Variants in GALNT9 observed in about 807,000 individuals in gnomAD.
GALNT9 encodes the protein polypeptide N-acetylgalactosaminyltransferase 9, also known as GalNAc transferase 9.
A neutral mutation model predicts 63.1 loss-of-function variants in GALNT9; 47 were observed. The ratio of observed to expected loss-of-function variants is 0.75; its 90% confidence interval spans 0.59 to 0.95. The LOEUF is 0.95. Ranked by LOEUF, GALNT9 falls within the 40% of genes least tolerant of loss-of-function variation. The pLI is 0.00. For synonymous variants in GALNT9, 396 were observed against 365.7 expected (o/e 1.08, Z -0.94); for missense variants, 829 against 874.8 (o/e 0.95, Z 0.66).
At chr12:132,212,898 C>T (rs545023181) in intron 6 of GALNT9, among the ~76,000 whole-genome samples, 8 of 109,228 alleles carry the variant, frequency 7.3e-5, no homozygotes, top group Admixed American at 5.3e-4. Flanking sequence ...AAACCCCACC[C>T]GGGTCTGCAG....
chr12:132,199,283 C>A lies in GALNT9; in HGVS notation c.1402-14G>T. The A allele has an allele frequency of 6.3e-7, 1 of 1,584,984 alleles. No individual in the cohort carries two copies. On this transcript the variant is annotated splice_polypyrimidine_tract_variant and intron_variant, in intron 8 of 10. Transcript: ENST00000328957. The stretch of plus-strand genomic sequence containing the variant: ...GCTGTTTCTCACCTGCAAGCAGAAG[C>A]CCCAGGAGAAAGTCCAGAGTCACCC...
intron 5 of GALNT9, among the ~76,000 whole-genome samples, chr12:132,251,953 C>T (rs1330609814): frequency 6.6e-6 from 1 of 152,214 alleles, no homozygotes; most frequent in Admixed American, 6.5e-5. Context: ...CAGGCCTGCC[C>T]CCCGCCTGCC....
rs138419387 is a variant in GALNT9, at chr12:132,289,557, C to A, written c.239-3127G>T. ...CTTTGCCTGAATCTGCTTCATTGGC[C>A]AGAAGGAGTGGAGGAGCTGGGCCTT... On this transcript the variant is annotated intron_variant, in intron 1 of 10. Transcript: ENST00000328957. Among the ~76,000 whole-genome samples the A allele has an allele frequency of 3.7e-4, 57 of 152,318 alleles. 1 individual carries two copies. The Middle Eastern group carries it at 0.02, about 55-fold the overall frequency.
intron 2 of GALNT9, among the ~76,000 whole-genome samples, chr12:132,284,884 C>T (rs969109328): frequency 6.6e-6 from 1 of 152,248 alleles, no homozygotes; most frequent in African/African-American, 2.4e-5. Context: ...TCCCTGCACC[C>T]CTGGACCCTG....
Position 132,257,811 on chromosome 12 carries a change from G to A in GALNT9, c.837C>T (p.Tyr279=). Residue 279 remains tyrosine, a synonymous_variant, in exon 5 of 11, where the codon TAC becomes TAT. Transcript: ENST00000328957. ...CATACTGCTGCACCTCAAACGTGCT[G>A]TACTTGATGTTGTCGATGGCTGGCA... ...IVLPAIDNIK[Y]STFEVQQYAN... 1 of 1,550,398 alleles carries A rather than the reference G, an allele frequency of 6.4e-7. No homozygotes were observed. The highest frequency in any genetic ancestry group is 8.7e-7 in the Non-Finnish European group (1 of 1,146,842).
intron 1 of GALNT9, among the ~76,000 whole-genome samples, chr12:132,292,714 G>A (rs532605699): frequency 7.9e-5 from 12 of 152,346 alleles, no homozygotes; most frequent in East Asian, 7.7e-4. Flanking sequence ...AGGGCGGGGC[G>A]TGCGAAGGAG....
chr12:132,291,408 GC>G (rs1880832963), intron 1 of GALNT9, among the ~76,000 whole-genome samples: 1 of 27,534 alleles, frequency 3.6e-5, no homozygotes, highest in Non-Finnish European at 6.5e-5. Context: ...CGTCCACAGC[GC>G]ACACGTCCAC....
intron 1 of GALNT9, among the ~76,000 whole-genome samples, chr12:132,313,290 T>C (rs1172574105): frequency 1.7e-4 from 17 of 98,004 alleles, no homozygotes; most frequent in East Asian, 7.1e-4. Flanking sequence ...TCCACCCACC[T>C]ACCCATCCAC....
chr12:132,325,068 C>T lies in GALNT9; in HGVS notation c.238+3898G>A, dbSNP rs182151422. Among the ~76,000 whole-genome samples, 163 of 152,072 alleles carry T rather than the reference C, an allele frequency of 1.1e-3. 3 individuals are homozygous for T. The East Asian group carries it at 0.014, about 13-fold the overall frequency. ...TATGAGATGCCACCCCACTTCAGAC[C>T]TTGCTCTCCCAAGTTCTTCCGGCGT... On this transcript the variant is annotated intron_variant, in intron 1 of 10. Coordinates refer to ENST00000328957, the MANE Select transcript of GALNT9 (RefSeq NM_001122636.2).
intron 8 of GALNT9, among the ~76,000 whole-genome samples, chr12:132,199,968 G>A (rs143388195): frequency 2.7e-4 from 41 of 152,164 alleles, no homozygotes; most frequent in Non-Finnish European, 5.4e-4. Flanking sequence ...AATTGGGACC[G>A]TTGAGGAAGC....
rs187639178 is a variant in GALNT9 at position 132,315,715 on chromosome 12, T to G, written c.238+13251A>C. ...CCATTACCAGGCTGCGCATCCACAC[T>G]CAGCCCTGGTGTCCTTGCGGGAACA... On this transcript the variant is annotated intron_variant, in intron 1 of 10. Coordinates refer to ENST00000328957, the MANE Select transcript of GALNT9 (RefSeq NM_001122636.2). This position sits in a 1 kb window ranked among gnomAD's most constrained non-coding sequence, Gnocchi z 6.1. Among the ~76,000 whole-genome samples, 1 of 152,274 alleles carries G rather than the reference T, an allele frequency of 6.6e-6. No homozygotes were observed. Among genetic ancestry groups the G allele is most frequent in the African/African-American group, 2.4e-5 (1 of 41,550 alleles).
At position 132,197,906 on chromosome 12, in the gene GALNT9, T is replaced by C. The variant is rs1480986709; in HGVS notation, c.1551A>G (p.Thr517=). The C allele has an allele frequency of 6.2e-7, 1 of 1,611,710 alleles. No individual in the cohort carries two copies. Residue 517 remains threonine (T), a synonymous_variant, in exon 10 of 11, where the codon ACA becomes ACG. Transcript: ENST00000328957. ...GACACTTGGAGTCAGGCAAGAAGGC[T>C]GTGGAGCCCAGAGGCCCCAGCTGCA... ...GLLQLGPLGS[T]AFLPDSKCLV... is the part of the protein sequence containing the mutation.
chr12:132,216,292 CAGAG>C (rs1337029834), intron 6 of GALNT9, among the ~76,000 whole-genome samples: 3 of 152,298 alleles, frequency 2.0e-5, no homozygotes, highest in Non-Finnish European at 2.9e-5. Flanking sequence ...CAGAGGAAGA[CAGAG>C]AGACAGAGAG....
chr12:132,201,378 C>A (rs1351939830), intron 7 of GALNT9, 117 bp from the exon 8 acceptor site: 3 of 658,510 alleles, frequency 4.6e-6, no homozygotes, highest in Non-Finnish European at 5.3e-6. Flanking sequence ...AGCCTCCCCC[C>A]CAGTATTCAG....
rs1868487271 is a variant in GALNT9 at position 132,315,925 on chromosome 12, A to G, written c.238+13041T>C. On this transcript the variant is annotated intron_variant, in intron 1 of 10. Transcript: ENST00000328957. This position sits in a 1 kb window ranked among gnomAD's most constrained non-coding sequence, Gnocchi z 6.1. ...CCAATGGGGACTTGGAGCATGAGAA[A>G]GCGGACAGCCTCTGGCCCTGAGAAC... 6.6e-6 allele frequency among the ~76,000 whole-genome samples: 1 copy of G among 152,200 alleles called. No individual in the cohort carries two copies. The highest frequency in any genetic ancestry group is 6.5e-5 in the Admixed American group (1 of 15,284).
chr12:132,222,307 G>A (rs896057992), intron 6 of GALNT9, among the ~76,000 whole-genome samples: 1 of 152,152 alleles, frequency 6.6e-6, no homozygotes, highest in East Asian at 1.9e-4. Context: ...GCCAGGCGCA[G>A]TGGCTCAAGA....
Position 132,254,172 on chromosome 12 carries a change from A to C in GALNT9, c.959+3517T>G, listed in dbSNP as rs550135837. Among the ~76,000 whole-genome samples the C allele has an allele frequency of 1.1e-4, 16 of 151,716 alleles. No individual in the cohort carries two copies. The East Asian group carries it at 3.1e-3, about 29-fold the overall frequency. ...AAGTAGTTGGGATTACAGGCACCTG[A>C]CACCACGCCCTGCGAATTTTTGTAT... On this transcript the variant is annotated intron_variant, in intron 5 of 10. Coordinates refer to ENST00000328957, the MANE Select transcript of GALNT9 (RefSeq NM_001122636.2).
rs370134549 is a variant in GALNT9, at chr12:132,316,348, T to A, written c.238+12618A>T. On this transcript the variant is annotated intron_variant, in intron 1 of 10. Transcript: ENST00000328957. The surrounding 1 kb of genome is among the most constrained non-coding windows in gnomAD (Gnocchi z 4.3). Reference sequence around the variant, plus strand: ...TTCACGATGCATTTTTATGCCCCTATTCTGGGAGGAAACAGAGATCCCCTA... The same window carrying A: ...TTCACGATGCATTTTTATGCCCCTAATCTGGGAGGAAACAGAGATCCCCTA... Among the ~76,000 whole-genome samples, 63 of 152,244 alleles carry A rather than the reference T, an allele frequency of 4.1e-4. No individual in the cohort carries two copies. The highest frequency in any genetic ancestry group is 1.5e-3 in the African/African-American group (61 of 41,538).
chr12:132,196,751 GGT>G lies in GALNT9; in HGVS notation c.*354_*355del, dbSNP rs1875530714. On this transcript the variant is annotated 3_prime_UTR_variant, in exon 11 of 11. Coordinates refer to ENST00000328957, the MANE Select transcript of GALNT9 (RefSeq NM_001122636.2). ...GACACCAGGGTGCAGCCTGGTGCAT[GGT>G]CCGGGGCTTGGCCTCCCTATGGGGC... 9.6e-7 allele frequency: 1 copy of G among 1,038,986 alleles called. No homozygotes were observed. The highest frequency in any genetic ancestry group is 1.2e-6 in the Non-Finnish European group (1 of 864,174). The allele number at this position is 1,038,986 out of a possible 1,614,324, so 64.4% of individuals were successfully genotyped here. A position where few individuals can be genotyped will look rare whatever the true frequency, so the allele number is the denominator to read the frequency against.
Sources: gnomAD v4.1 joint callset for allele counts (sites outside exome capture counted in the v4.1 genomes callset) on GRCh38, gnomAD v4.1.1 for gene constraint, Gnocchi (gnomAD v3.1) non-coding constraint, MANE v1.5 for transcripts, NCBI Gene and HGNC (gene_info 2026-07-23, HGNC 2026-07-21) for gene names.